PAFAH1B1: variants seen among roughly 807,000 people sequenced by gnomAD.
PAFAH1B1 encodes the protein platelet activating factor acetylhydrolase 1b regulatory subunit 1.
A neutral mutation model predicts 57.5 loss-of-function variants in PAFAH1B1; 2 were observed. The observed-to-expected ratio is 0.03, with a 90% CI of 0.01 to 0.11. PAFAH1B1 has a LOEUF of 0.11. Ranked by LOEUF, PAFAH1B1 falls within the 10% of genes least tolerant of loss-of-function variation. The pLI is 1.00. For synonymous variants in PAFAH1B1, 152 were observed against 169.6 expected (o/e 0.90, Z 0.81); for missense variants, 257 against 512.0 (o/e 0.50, Z 4.81).
chr17:2,613,798 G>C, intron 1 of PAFAH1B1: 1 of 294,730 alleles, frequency 3.4e-6, no homozygotes, highest in Admixed American at 4.4e-5. Flanking sequence ...AGGAGCTCCT[G>C]ATGCCGGGCG....
intron 2 of PAFAH1B1, among the ~76,000 whole-genome samples, chr17:2,652,272 G>C (rs575255829): frequency 1.3e-5 from 2 of 150,792 alleles, no homozygotes; most frequent in Non-Finnish European, 3.0e-5. Flanking sequence ...AAAATTGGCC[G>C]GGCGTGGTGG....
intron 10 of PAFAH1B1, chr17:2,681,494 C>G: frequency 2.0e-6 from 1 of 506,566 alleles, no homozygotes; most frequent in Non-Finnish European, 3.6e-6. Context: ...CGGGCAGGGT[C>G]TTGCTCTGTC....
At chr17:2,680,406 G>A in intron 10 of PAFAH1B1, 86 bp downstream of exon 10, 1 of 1,191,026 alleles carries the variant, frequency 8.4e-7, no homozygotes, top group Non-Finnish European at 1.3e-6. Flanking sequence ...GACTTTGCCA[G>A]GTAAGAAATG....
intron 1 of PAFAH1B1, among the ~76,000 whole-genome samples, chr17:2,599,509 C>G (rs1056037251): frequency 2.6e-5 from 4 of 152,082 alleles, no homozygotes; most frequent in African/African-American, 9.7e-5. Flanking sequence ...CAAAAAATGC[C>G]TAATACTGCT....
At chr17:2,642,939 C>T (rs1214216286) in intron 2 of PAFAH1B1, among the ~76,000 whole-genome samples, 7 of 152,138 alleles carry the variant, frequency 4.6e-5, no homozygotes, top group Non-Finnish European at 1.0e-4. Flanking sequence ...GTGTTACTCT[C>T]TTCTGAATCC....
At chr17:2,598,224 G>A (rs1168179873) in intron 1 of PAFAH1B1, among the ~76,000 whole-genome samples, 1 of 151,984 alleles carries the variant, frequency 6.6e-6, no homozygotes, top group African/African-American at 2.4e-5. Flanking sequence ...GCTCCAGCCT[G>A]GGCAACAAGA....
chr17:2,654,813 T>C (rs1471234870), intron 2 of PAFAH1B1, among the ~76,000 whole-genome samples: 2 of 150,678 alleles, frequency 1.3e-5, no homozygotes, highest in African/African-American at 4.9e-5. Context: ...AGCTAATTTT[T>C]CTATTTTTTA....
rs567743202 is a variant in PAFAH1B1 at position 2,666,143 on chromosome 17, C to T, written c.192+53C>T. ...AGTTGTATTCAGTTATATAAACTTT[C>T]TGAAAATAACATTCTTCTGCATTAA... On this transcript the variant is annotated intron_variant, in intron 4 of 10. Transcript: ENST00000397195. 73 of 1,292,458 alleles carry T rather than the reference C, an allele frequency of 5.6e-5. No homozygotes were observed. The South Asian group carries it at 9.3e-4, about 17-fold the overall frequency. 80.1% of individuals were successfully genotyped at this position (1,292,458 alleles called of 1,614,324 possible).
chr17:2,644,432 A>G (rs1238448030), intron 2 of PAFAH1B1, among the ~76,000 whole-genome samples: 1 of 152,094 alleles, frequency 6.6e-6, no homozygotes, highest in Non-Finnish European at 1.5e-5. Flanking sequence ...AGTCTCAGCT[A>G]CTCGGGAGGC....
At position 2,605,697 on chromosome 17, in the gene PAFAH1B1, A is replaced by C. The variant is rs578043596; in HGVS notation, c.-191+11691A>C. Among the ~76,000 whole-genome samples, 38 of 152,278 alleles carry C rather than the reference A, an allele frequency of 2.5e-4. 1 individual carries two copies. The South Asian group carries it at 6.8e-3, about 27-fold the overall frequency. Reference sequence around the variant, plus strand: ...GTCTTTTCTAATTTTTTCCACCTGGAAGAAACTTTCTTTTCTCTGAGTTCG... The same window carrying C: ...GTCTTTTCTAATTTTTTCCACCTGGCAGAAACTTTCTTTTCTCTGAGTTCG... On this transcript the variant is annotated intron_variant, in intron 1 of 10. Coordinates refer to ENST00000397195, the MANE Select transcript of PAFAH1B1 (RefSeq NM_000430.4).
chr17:2,665,376 C>G lies in PAFAH1B1; in HGVS notation c.37C>G (p.Arg13Gly), dbSNP rs587784262. Residue 13 changes from arginine to glycine, a missense_variant, in exon 3 of 11, where the codon CGA becomes GGA. By Grantham distance (125) the Arg-to-Gly change is moderately radical. Transcript: ENST00000397195. ...LSQRQRDELN[R>G]AIADYLRSNG... ...TCATTTGAATTTTTCTTTCAGAAAT[C>G]GAGCTATAGCAGATTATCTTCGTTC... 1.9e-6 allele frequency: 3 copies of G among 1,589,808 alleles called. No homozygotes were observed. The highest frequency in any genetic ancestry group is 2.6e-6 in the Non-Finnish European group (3 of 1,160,412).
intron 1 of PAFAH1B1, among the ~76,000 whole-genome samples, chr17:2,597,910 T>TTGTGAATA (rs1367413623): frequency 1.3e-5 from 2 of 151,924 alleles, no homozygotes; most frequent in African/African-American, 4.8e-5. Flanking sequence ...TTTGTCATCT[T>TTGTGAATA]TGTGAATAAG....
chr17:2,626,573 A>G (rs2068495748), intron 1 of PAFAH1B1, among the ~76,000 whole-genome samples: 1 of 14,964 alleles, frequency 6.7e-5, no homozygotes, highest in Non-Finnish European at 1.6e-4. Flanking sequence ...CCCCCCCCCG[A>G]GGCGGAGTCT....
chr17:2,613,133 C>T (rs1357102061), intron 1 of PAFAH1B1, among the ~76,000 whole-genome samples: 2 of 137,100 alleles, frequency 1.5e-5, no homozygotes, highest in Non-Finnish European at 3.1e-5. Flanking sequence ...CTTTTTTTTT[C>T]ACATTTTCCT....
intron 2 of PAFAH1B1, among the ~76,000 whole-genome samples, chr17:2,654,263 C>T (rs905346377): frequency 4.7e-5 from 7 of 149,012 alleles, no homozygotes; most frequent in South Asian, 2.1e-4. Context: ...TGTCTTGGCT[C>T]ACTGCAACCC....
rs770011553 is a variant in PAFAH1B1, at chr17:2,606,810, C to CTTTTTTT, written c.-191+12825_-191+12831dup. Among the ~76,000 whole-genome samples the CTTTTTTT allele has an allele frequency of 7.9e-5, 8 of 101,712 alleles. 3 individuals carry two copies. The highest frequency in any genetic ancestry group is 1.6e-4 in the African/African-American group (4 of 25,374). 66.7% of individuals were successfully genotyped at this position (101,712 alleles called of 152,430 possible). On this transcript the variant is annotated intron_variant, in intron 1 of 10. Transcript: ENST00000397195. ...ACATTTTGTCATATTTGCCTCAGAG[C>CTTTTTTT]TTTTTTTTTTTTTTTTTTTTTTTTT...
intron 2 of PAFAH1B1, among the ~76,000 whole-genome samples, chr17:2,648,819 C>T (rs1597551312): frequency 6.6e-6 from 1 of 151,282 alleles, no homozygotes; most frequent in East Asian, 1.9e-4. Context: ...ATTATGGCTA[C>T]CTACCAGAAA....
chr17:2,648,700 C>G (rs1281960112), intron 2 of PAFAH1B1, among the ~76,000 whole-genome samples: 1 of 142,406 alleles, frequency 7.0e-6, no homozygotes, highest in Non-Finnish European at 1.5e-5. Flanking sequence ...AAAAGTGAAA[C>G]ACCATATGAT....
intron 8 of PAFAH1B1, among the ~76,000 whole-genome samples, chr17:2,674,884 A>T (rs2069239171): frequency 6.6e-6 from 1 of 152,234 alleles, no homozygotes; most frequent in South Asian, 2.1e-4. Context: ...ACATGGCTAT[A>T]GTCCTAGCTA....
Sources: gnomAD v4.1 joint callset for allele counts (sites outside exome capture counted in the v4.1 genomes callset) on GRCh38, gnomAD v4.1.1 for gene constraint, MANE v1.5 for transcripts, NCBI Gene and HGNC (gene_info 2026-07-23, HGNC 2026-07-21) for gene names.